Variants in CTTNBP2 observed in about 807,000 individuals in gnomAD.
CTTNBP2 encodes the protein cortactin-binding protein 2.
A neutral mutation model predicts 156.9 loss-of-function variants in CTTNBP2; 108 were observed. The observed-to-expected ratio is 0.69, with a 90% CI of 0.59 to 0.81. The LOEUF (loss-of-function observed/expected upper bound fraction) is 0.81. Among genes scored for constraint, CTTNBP2 ranks in the 30% least tolerant of loss-of-function variants. The pLI is 0.00. For synonymous variants in CTTNBP2, 767 were observed against 751.8 expected (o/e 1.02, Z -0.33); for missense variants, 1,924 against 2,035.4 (o/e 0.95, Z 1.05).
chr7:117,831,834 C>T (rs1383636576), intron 2 of CTTNBP2, among the ~76,000 whole-genome samples: 2 of 152,076 alleles, frequency 1.3e-5, no homozygotes, highest in Non-Finnish European at 2.9e-5. Flanking sequence ...GTATGTTCAA[C>T]GTTCTGCTCT....
chr7:117,767,297 T>C (rs1445932713), intron 8 of CTTNBP2, 121 bp from the exon 9 acceptor site: 1 of 677,584 alleles, frequency 1.5e-6, no homozygotes, highest in African/African-American at 1.8e-5. Context: ...TAAATCTTAT[T>C]TCAATTCCAT....
chr7:117,768,581 A>AAAAAAAAAAAAAAAAAAAAGAAAG (rs1554419704), intron 8 of CTTNBP2, among the ~76,000 whole-genome samples: 9 of 99,116 alleles, frequency 9.1e-5, no homozygotes, highest in Non-Finnish European at 1.5e-4. Context: ...AAAAAAAAAA[A>AAAAAAAAAAAAAAAAAAAAGAAAG]AAAGAAAGAA....
intron 12 of CTTNBP2, 136 bp from the exon 13 acceptor site, chr7:117,746,235 C>A: frequency 1.6e-6 from 1 of 640,164 alleles, no homozygotes; most frequent in East Asian, 2.7e-5. Context: ...TAGAGATTAG[C>A]TTTATCATTG....
intron 2 of CTTNBP2, among the ~76,000 whole-genome samples, chr7:117,853,279 TC>T (rs1394242616): frequency 6.6e-6 from 1 of 152,182 alleles, no homozygotes; most frequent in African/African-American, 2.4e-5. Flanking sequence ...ACCACCCTCT[TC>T]CTTTTTCATT....
At chr7:117,756,250 T>C (rs35813124) in intron 12 of CTTNBP2, among the ~76,000 whole-genome samples, 3,126 of 152,330 alleles carry the variant, frequency 0.021, 47 homozygotes, top group South Asian at 0.033. Flanking sequence ...CCTTTCATAT[T>C]GATCATCATT....
At chr7:117,794,002 AC>A (rs544463810) in intron 3 of CTTNBP2, among the ~76,000 whole-genome samples, 4 of 151,258 alleles carry the variant, frequency 2.6e-5, no homozygotes, top group Non-Finnish European at 2.9e-5. Context: ...ACCTGCCTGC[AC>A]CCCCCCTCAC....
intron 2 of CTTNBP2, 132 bp downstream of exon 2, chr7:117,861,077 A>G: frequency 3.2e-6 from 2 of 628,458 alleles, no homozygotes; most frequent in Non-Finnish European, 5.7e-6. Flanking sequence ...TTTGGGGTGA[A>G]GAGCACATTT....
chr7:117,803,965 A>G (rs556118287), intron 3 of CTTNBP2, among the ~76,000 whole-genome samples: 1 of 152,082 alleles, frequency 6.6e-6, no homozygotes, highest in East Asian at 1.9e-4. Context: ...TTATTTATTT[A>G]TGAATGAATG....
chr7:117,862,323 G>T (rs893245667), intron 1 of CTTNBP2, among the ~76,000 whole-genome samples: 2 of 151,758 alleles, frequency 1.3e-5, no homozygotes, highest in Non-Finnish European at 2.9e-5. Context: ...GGGGTGGGGG[G>T]GCGGTGTGGT....
chr7:117,862,005 C>T (rs1803789041), intron 1 of CTTNBP2, among the ~76,000 whole-genome samples: 1 of 151,980 alleles, frequency 6.6e-6, no homozygotes, highest in Non-Finnish European at 1.5e-5. Flanking sequence ...AGTAGCTGCC[C>T]CTTTAGAAGG....
chr7:117,813,618 G>A (rs1168598437), intron 2 of CTTNBP2, among the ~76,000 whole-genome samples: 1 of 152,120 alleles, frequency 6.6e-6, no homozygotes, highest in Non-Finnish European at 1.5e-5. Context: ...AAAGCTGGGA[G>A]TCTCTACAAT....
Position 117,832,279 on chromosome 7 carries a change from A to G in CTTNBP2, c.190-21290T>C, listed in dbSNP as rs574289192. On this transcript the variant is annotated intron_variant, in intron 2 of 22. Transcript: ENST00000160373. The stretch of plus-strand genomic sequence containing the variant: ...CTCTCCATCCCAGCCGCCACCATGC[A>G]ACTCTATCCCTCAGCATCTTTCACA... Among the ~76,000 whole-genome samples the G allele has an allele frequency of 5.3e-4, 80 of 152,240 alleles. 1 individual carries two copies. Among genetic ancestry groups the G allele is most frequent in the African/African-American group, 1.8e-3 (76 of 41,534 alleles).
chr7:117,772,509 A>C (rs1797850644), intron 8 of CTTNBP2, among the ~76,000 whole-genome samples: 1 of 152,210 alleles, frequency 6.6e-6, no homozygotes, highest in African/African-American at 2.4e-5. Flanking sequence ...GGTGGAAGCA[A>C]AAATGAATGT....
intron 1 of CTTNBP2, among the ~76,000 whole-genome samples, chr7:117,870,798 C>T (rs559882286): frequency 6.6e-6 from 1 of 152,306 alleles, no homozygotes; most frequent in Admixed American, 6.5e-5. Flanking sequence ...GCACGGTTCA[C>T]GGCAAAGACT....
rs1196692588 is a variant in CTTNBP2 at position 117,725,076 on chromosome 7, G to A, written c.4237C>T (p.His1413Tyr). ...LSILLNKAVL[H>Y]GCPLPRAELD... ...CCTGCTCTGGGGAGGGGACAGCCAT[G>A]CAGTACAGCTTTATTTAGCAAGATG... The change falls in exon 18 of 23, where the codon CAT becomes TAT. Residue 1413 changes from histidine to tyrosine, a missense_variant. By Grantham distance (83) the His-to-Tyr change is moderately conservative. Coordinates refer to ENST00000160373, the MANE Select transcript of CTTNBP2 (RefSeq NM_033427.3). 1.2e-6 allele frequency: 2 copies of A among 1,612,470 alleles called. No individual in the cohort carries two copies. The highest frequency in any genetic ancestry group is 2.2e-5 in the East Asian group (1 of 44,900).
intron 12 of CTTNBP2, among the ~76,000 whole-genome samples, chr7:117,747,066 A>C (rs547928493): frequency 1.1e-4 from 16 of 152,090 alleles, no homozygotes; most frequent in Non-Finnish European, 2.4e-4. Context: ...TGCTTGGGAG[A>C]AGCTTTCTTA....
At chr7:117,808,858 C>A (rs1257380150) in intron 3 of CTTNBP2, among the ~76,000 whole-genome samples, 2 of 152,172 alleles carry the variant, frequency 1.3e-5, no homozygotes, top group Non-Finnish European at 2.9e-5. Context: ...GGTGTTTCTG[C>A]TTTCATCAGC....
chr7:117,758,044 T>C (rs1218352104), intron 10 of CTTNBP2, 74 bp from the exon 11 acceptor site: 2 of 1,079,438 alleles, frequency 1.9e-6, no homozygotes, highest in South Asian at 1.4e-5. Flanking sequence ...AAACATATGC[T>C]CTCTTCTGTG....
At chr7:117,797,954 G>T (rs1432192436) in intron 3 of CTTNBP2, among the ~76,000 whole-genome samples, 1 of 152,082 alleles carries the variant, frequency 6.6e-6, no homozygotes, top group African/African-American at 2.4e-5. Flanking sequence ...AATCCAGGAA[G>T]CTCAGCAATT....
Sources: gnomAD v4.1 joint callset for allele counts (sites outside exome capture counted in the v4.1 genomes callset) on GRCh38, gnomAD v4.1.1 for gene constraint, MANE v1.5 for transcripts, NCBI Gene and HGNC (gene_info 2026-07-23, HGNC 2026-07-21) for gene names.